Variants in PARD3B observed in about 807,000 individuals in gnomAD.
The protein encoded by PARD3B is par-3 family cell polarity regulator beta, also known as partitioning defective 3 homolog B.
In PARD3B, 103 loss-of-function variants were observed where a neutral mutation model predicts 130.2. That is an observed-to-expected ratio of 0.79 (90% CI 0.67 to 0.93). The LOEUF (loss-of-function observed/expected upper bound fraction) is 0.93. Among genes scored for constraint, PARD3B ranks in the 40% least tolerant of loss-of-function variants. The pLI is 0.00. For missense variants in PARD3B, 1,609 were observed against 1,499.2 expected, an observed-to-expected ratio of 1.07 and a Z score of -1.21; for synonymous variants, 583 against 553.2, an observed-to-expected ratio of 1.05 and a Z score of -0.76.
chr2:204,699,841 G>A (rs1473934834), intron 2 of PARD3B, among the ~76,000 whole-genome samples: 6 of 152,094 alleles, frequency 3.9e-5, no homozygotes, highest in Admixed American at 1.3e-4. Context: ...GAAATATTTT[G>A]CATTTAACAG....
At chr2:205,197,528 G>T (rs2036763110) in intron 15 of PARD3B, among the ~76,000 whole-genome samples, 1 of 152,100 alleles carries the variant, frequency 6.6e-6, no homozygotes, top group East Asian at 1.9e-4. Context: ...TACATTATAA[G>T]TATAATGTAT....
At chr2:204,573,440 G>A (rs2032100194) in intron 1 of PARD3B, among the ~76,000 whole-genome samples, 1 of 152,124 alleles carries the variant, frequency 6.6e-6, no homozygotes, top group African/African-American at 2.4e-5. Flanking sequence ...ATTCTCTCCT[G>A]ACTTAGCAGT....
At chr2:205,411,295 C>T (rs749786082) in intron 19 of PARD3B, among the ~76,000 whole-genome samples, 11 of 151,942 alleles carry the variant, frequency 7.2e-5, no homozygotes, top group Non-Finnish European at 1.6e-4. Flanking sequence ...TGTAGTTGAA[C>T]CTAAGGATAT....
chr2:204,699,891 G>T (rs2037810020), intron 2 of PARD3B, among the ~76,000 whole-genome samples: 2 of 152,064 alleles, frequency 1.3e-5, no homozygotes, highest in Admixed American at 1.3e-4. Flanking sequence ...TATATATAAT[G>T]CATCAAAATA....
In PARD3B at chr2:205,125,157, A is replaced by G. The variant is rs1038132857; in HGVS notation, c.1306-452A>G. Among the ~76,000 whole-genome samples, 17 of 152,328 alleles carry G rather than the reference A, an allele frequency of 1.1e-4. No individual in the cohort carries two copies. The highest frequency in any genetic ancestry group is 6.2e-4 in the South Asian group (3 of 4,832). ...TCCAAATTAGAATTTCCCTTAATCT[A>G]TGATAATCTGGTGACTATAATTTTC... is the stretch of plus-strand genomic sequence containing the variant. On this transcript the variant is annotated intron_variant, in intron 9 of 22. Transcript: ENST00000406610. The surrounding 1 kb of genome is among the most constrained non-coding windows in gnomAD (Gnocchi z 4.0).
intron 18 of PARD3B, among the ~76,000 whole-genome samples, chr2:205,387,416 C>T (rs849241): frequency 0.82 from 124,331 of 152,084 alleles, 51,984 homozygotes; most frequent in East Asian, 0.97. Context: ...CTTACTGATG[C>T]ACTCAAATAT....
At chr2:204,781,327 T>A (rs575331813) in intron 2 of PARD3B, among the ~76,000 whole-genome samples, 26 of 152,226 alleles carry the variant, frequency 1.7e-4, no homozygotes, top group Middle Eastern at 3.4e-3. Flanking sequence ...TATCATAATA[T>A]TGGCACAAAA....
intron 21 of PARD3B, among the ~76,000 whole-genome samples, chr2:205,501,032 T>C (rs560953482): frequency 1.3e-5 from 2 of 152,226 alleles, no homozygotes; most frequent in Middle Eastern, 3.4e-3. Context: ...AGGTTTATGC[T>C]CATAAGGTCA....
intron 1 of PARD3B, among the ~76,000 whole-genome samples, chr2:204,560,506 C>T (rs80229929): frequency 0.017 from 2,488 of 149,202 alleles, 72 homozygotes; most frequent in African/African-American, 0.059. Flanking sequence ...ATGAGCTGTA[C>T]GTGGCCAGGG....
chr2:205,409,481 A>C (rs1368470557), intron 19 of PARD3B, among the ~76,000 whole-genome samples: 1 of 152,198 alleles, frequency 6.6e-6, no homozygotes, highest in Non-Finnish European at 1.5e-5. Flanking sequence ...TGCGGTCACC[A>C]ACAAAACTTG....
intron 20 of PARD3B, among the ~76,000 whole-genome samples, chr2:205,494,475 C>T (rs1350331023): frequency 3.3e-5 from 5 of 152,208 alleles, no homozygotes; most frequent in Non-Finnish European, 7.4e-5. Context: ...CACCCCATTC[C>T]GTTTTATACC....
intron 2 of PARD3B, among the ~76,000 whole-genome samples, chr2:204,712,527 T>C (rs1229969414): frequency 7.0e-6 from 1 of 143,100 alleles, no homozygotes; most frequent in Non-Finnish European, 1.5e-5. Context: ...GGCAGGAGAA[T>C]AGCTTGAACC....
intron 11 of PARD3B, among the ~76,000 whole-genome samples, chr2:205,170,921 C>G (rs1464768841): frequency 4.0e-5 from 6 of 151,892 alleles, no homozygotes; most frequent in Non-Finnish European, 7.4e-5. Flanking sequence ...AGTCTAGAGA[C>G]AAGAAACAAA....
intron 1 of PARD3B, among the ~76,000 whole-genome samples, chr2:204,599,683 C>A (rs967770438): frequency 6.6e-6 from 1 of 151,680 alleles, no homozygotes; most frequent in Middle Eastern, 3.4e-3. Flanking sequence ...CACTGATTTC[C>A]TTTTCTTTGG....
chr2:205,178,663 T>G (rs1362788866), intron 13 of PARD3B, among the ~76,000 whole-genome samples: 1 of 152,182 alleles, frequency 6.6e-6, no homozygotes, highest in African/African-American at 2.4e-5. Flanking sequence ...TCTAGCAACG[T>G]GTGGCCCAGT....
intron 2 of PARD3B, among the ~76,000 whole-genome samples, chr2:204,951,309 CA>C (rs1211049503): frequency 6.6e-6 from 1 of 152,186 alleles, no homozygotes; most frequent in Non-Finnish European, 1.5e-5. Flanking sequence ...CATGATTTTT[CA>C]TATGTCTGTC....
intron 2 of PARD3B, among the ~76,000 whole-genome samples, chr2:204,932,194 A>C (rs1688084740): frequency 6.6e-6 from 1 of 152,124 alleles, no homozygotes; most frequent in African/African-American, 2.4e-5. Context: ...TCATTTAAGC[A>C]GTTTTTATGT....
intron 2 of PARD3B, among the ~76,000 whole-genome samples, chr2:204,900,392 CT>C (rs1430548729): frequency 6.6e-6 from 1 of 152,114 alleles, no homozygotes; most frequent in Non-Finnish European, 1.5e-5. Context: ...CAGTTCTGCT[CT>C]TAGGAGACAC....
rs76071989 is a variant in PARD3B at position 204,625,375 on chromosome 2, A to T, written c.121-60806A>T. On this transcript the variant is annotated intron_variant, in intron 1 of 22. Coordinates refer to ENST00000406610, the MANE Select transcript of PARD3B (RefSeq NM_001302769.2). ...CAACTGACAAGGGAGGGCAAGGAAC[A>T]TGCTCCTTTAAGATGCGGCTGAGAG... Among the ~76,000 whole-genome samples, 1,400 of 152,258 alleles carry T rather than the reference A, an allele frequency of 9.2e-3. 26 individuals are homozygous for T. The highest frequency in any genetic ancestry group is 0.032 in the African/African-American group (1,339 of 41,562).
Sources: allele counts gnomAD v4.1 joint callset (sites outside exome capture counted in the v4.1 genomes callset), GRCh38; gene constraint gnomAD v4.1.1; non-coding constraint Gnocchi (gnomAD v3.1); transcripts MANE v1.5; gene names NCBI Gene and HGNC (gene_info 2026-07-23, HGNC 2026-07-21).